The following ARPC2 variants were observed in gnomAD, a reference collection of about 807,000 sequenced individuals.
ARPC2 encodes the protein actin-related protein 2/3 complex subunit 2.
Under a neutral mutation model 38.6 loss-of-function variants are expected in ARPC2, and 4 were observed. The observed-to-expected ratio is 0.10, with a 90% confidence interval of 0.05 to 0.24. ARPC2 has a LOEUF of 0.24. Ranked by LOEUF, ARPC2 falls within the 10% of genes least tolerant of loss-of-function variation. The probability of loss-of-function intolerance (pLI) is 1.00; values close to 1 mark genes in which losing one functional copy is unlikely to be tolerated. For missense variants in ARPC2, 229 were observed against 387.3 expected, an observed-to-expected ratio of 0.59 and a Z score of 3.43; for synonymous variants, 125 against 140.8, an observed-to-expected ratio of 0.89 and a Z score of 0.79.
chr2:218,245,279 G>T (rs542750784), intron 7 of ARPC2, 141 bp from the exon 8 acceptor site: 38 of 1,001,930 alleles, frequency 3.8e-5, no homozygotes, highest in Non-Finnish European at 5.3e-5. Flanking sequence ...TCATATTTCA[G>T]GTTTGGTGTA....
Position 218,243,178 on chromosome 2 carries a change from T to C in ARPC2, c.550-2242T>C, listed in dbSNP as rs538621344. On this transcript the variant is annotated intron_variant, in intron 7 of 10. Transcript: ENST00000315717. ...CTTTTTTTCCTAAATGGCTATCCAG[T>C]GGTCCCAGTGGCAATTATTTCCTTT... Among the ~76,000 whole-genome samples the C allele has an allele frequency of 3.3e-5, 5 of 152,368 alleles. No individual in the cohort carries two copies. In the East Asian group the frequency reaches 9.6e-4, roughly 29 times the overall value.
At position 218,249,369 on chromosome 2, in the gene ARPC2, T is replaced by A; in HGVS notation, c.682T>A (p.Phe228Ile). The A allele has an allele frequency of 6.2e-7, 1 of 1,612,068 alleles. No individual in the cohort carries two copies. Reference protein sequence around the residue: ...DNIGYITFVLFPRHTNASARD... With the variant: ...DNIGYITFVLIPRHTNASARD... ...TTTGTGTCTTCCGCCTTCAGTGCTG[T>A]TCCCTCGTCACACCAATGCCAGTGC... The change falls in exon 9 of 11, where the codon TTC becomes ATC. Residue 228 changes from phenylalanine (F) to isoleucine (I), a missense_variant. Transcript: ENST00000315717.
chr2:218,217,673 C>T (rs1228236811), intron 2 of ARPC2, 129 bp downstream of exon 2: 17 of 1,010,724 alleles, frequency 1.7e-5, no homozygotes, highest in South Asian at 3.0e-5. Flanking sequence ...GGGGCTGCCC[C>T]AGCGGGGTAG....
chr2:218,218,036 T>C (rs1689296271), intron 2 of ARPC2, among the ~76,000 whole-genome samples: 1 of 152,080 alleles, frequency 6.6e-6, no homozygotes, highest in Admixed American at 6.5e-5. Context: ...CCCATCTCCT[T>C]TAAAAGGAGC....
At chr2:218,234,561 G>T in intron 5 of ARPC2, 164 bp downstream of exon 5, 1 of 613,318 alleles carries the variant, frequency 1.6e-6, no homozygotes, top group Non-Finnish European at 2.8e-6. Flanking sequence ...CTTTTAAGGG[G>T]CTTTGCTTTG....
intron 3 of ARPC2, among the ~76,000 whole-genome samples, chr2:218,228,208 G>A (rs1689549822): frequency 6.6e-6 from 1 of 151,964 alleles, no homozygotes; most frequent in African/African-American, 2.4e-5. Flanking sequence ...TTCGAGACCA[G>A]CCTGGCCAAC....
At chr2:218,241,278 C>T (rs931819479) in intron 7 of ARPC2, among the ~76,000 whole-genome samples, 3 of 152,190 alleles carry the variant, frequency 2.0e-5, no homozygotes, top group African/African-American at 7.2e-5. Context: ...CTCAACTGCT[C>T]CATCCCTAGT....
At chr2:218,251,522 GATCCCC>G (rs1690190818) in intron 10 of ARPC2, among the ~76,000 whole-genome samples, 5 of 150,896 alleles carry the variant, frequency 3.3e-5, no homozygotes, top group Non-Finnish European at 7.4e-5. Context: ...AGTACTCTGT[GATCCCC>G]AGCCAGGCTC....
At chr2:218,239,261 A>G (rs1559480842) in intron 6 of ARPC2, 130 bp from the exon 7 acceptor site, 1 of 662,486 alleles carries the variant, frequency 1.5e-6, no homozygotes, top group African/African-American at 1.8e-5. Context: ...ATATCATCTC[A>G]TTTGGCACAC....
At chr2:218,226,626 C>CAAAAAAAAAAAAAAAAAAAA (rs34789459) in intron 3 of ARPC2, among the ~76,000 whole-genome samples, 1 of 61,462 alleles carries the variant, frequency 1.6e-5, no homozygotes. Flanking sequence ...GACTCCATCT[C>CAAAAAAAAAAAAAAAAAAAA]AAAAAAAAAA....
intron 10 of ARPC2, among the ~76,000 whole-genome samples, chr2:218,251,257 G>A (rs1248332444): frequency 6.6e-6 from 1 of 152,204 alleles, no homozygotes. Flanking sequence ...TGAAGCACAG[G>A]CTGGAGTGCA....
chr2:218,227,273 G>A (rs1259060818), intron 3 of ARPC2, among the ~76,000 whole-genome samples: 2 of 151,848 alleles, frequency 1.3e-5, no homozygotes, highest in Non-Finnish European at 2.9e-5. Flanking sequence ...CAGAAAGATA[G>A]AACCGAAAAA....
At chr2:218,217,352 T>A in intron 1 of ARPC2, 98 bp downstream of exon 1, 141 of 649,408 alleles carry the variant, frequency 2.2e-4, no homozygotes, top group Middle Eastern at 3.7e-4. Flanking sequence ...CCTTCTCCCC[T>A]AACCTCCTAC....
chr2:218,222,359 A>C (rs1195184590), intron 2 of ARPC2, among the ~76,000 whole-genome samples: 1 of 152,170 alleles, frequency 6.6e-6, no homozygotes, highest in Non-Finnish European at 1.5e-5. Flanking sequence ...ATGAGATAAT[A>C]CAGTTGCCAG....
intron 2 of ARPC2, among the ~76,000 whole-genome samples, chr2:218,222,196 G>A (rs191040711): frequency 1.4e-3 from 212 of 152,282 alleles, no homozygotes; most frequent in South Asian, 8.7e-3. Context: ...GAACCCAGGA[G>A]GCGGAGGTTG....
In ARPC2 at chr2:218,217,578, G is replaced by T. The variant is rs577244705; in HGVS notation, c.74+34G>T. ...GCGCCCGGGGCCGGGGGTGGCGGGG[G>T]AAGCAGAGTTGACCCCAGCTAATCC... On this transcript the variant is annotated intron_variant, in intron 2 of 10. Coordinates refer to ENST00000315717, the MANE Select transcript of ARPC2 (RefSeq NM_152862.3). 2.5e-6 allele frequency: 4 copies of T among 1,585,496 alleles called. No individual in the cohort carries two copies. The highest frequency in any genetic ancestry group is 4.6e-5 in the East Asian group (2 of 43,704).
Position 218,249,905 on chromosome 2 carries a change from G to T in ARPC2, c.862G>T (p.Glu288Ter). ...NRARPDAEKK[E>*]MKTITGKTFS... is the part of the protein sequence containing the mutation. The stretch of plus-strand genomic sequence containing the variant: ...CGCACGCCCAGATGCCGAGAAAAAA[G>T]AAATGAAAACAATCACGTAAGTTAG... The change falls in exon 10 of 11, where the codon GAA becomes TAA. Residue 288 changes from glutamate to a stop codon, truncating the protein, a stop_gained. Transcript: ENST00000315717. LOFTEE classifies it high-confidence loss of function. 1 of 1,612,164 alleles carries T rather than the reference G, an allele frequency of 6.2e-7. No individual in the cohort carries two copies. Among genetic ancestry groups the T allele is most frequent in the Non-Finnish European group, 8.5e-7 (1 of 1,179,138 alleles).
intron 2 of ARPC2, among the ~76,000 whole-genome samples, chr2:218,220,720 A>C (rs1689363942): frequency 9.4e-6 from 1 of 106,522 alleles, no homozygotes; most frequent in African/African-American, 3.7e-5. Context: ...TTGTCATCTA[A>C]ACTGTTTAAG....
Position 218,249,385 on chromosome 2 carries a change from A to G in ARPC2, c.698A>G (p.Asn233Ser), listed in dbSNP as rs751557406. The change falls in exon 9 of 11, where the codon AAT becomes AGT. Residue 233 changes from asparagine (N) to serine (S), a missense_variant. This residue lies in a region of ARPC2 where 92 missense variants were observed against 152.3 expected (regional missense o/e 0.60). Transcript: ENST00000315717. ...TCAGTGCTGTTCCCTCGTCACACCA[A>G]TGCCAGTGCTCGAGACAACACCATC... ...ITFVLFPRHT[N>S]ASARDNTINL... The G allele has an allele frequency of 3.7e-6, 6 of 1,613,160 alleles. No individual in the cohort carries two copies. Among genetic ancestry groups the G allele is most frequent in the East Asian group, 2.2e-5 (1 of 44,850 alleles).
Sources: allele counts gnomAD v4.1 joint callset (sites outside exome capture counted in the v4.1 genomes callset), GRCh38; gene constraint gnomAD v4.1.1; regional missense constraint gnomAD v4.1.1; transcripts MANE v1.5; gene names NCBI Gene and HGNC (gene_info 2026-07-23, HGNC 2026-07-21).